The following FHOD3 variants were observed in gnomAD, a reference collection of about 807,000 sequenced individuals.
The protein encoded by FHOD3 is formin homology 2 domain containing 3.
In FHOD3, 90 loss-of-function variants were observed where a neutral mutation model predicts 173.0. The observed-to-expected ratio is 0.52, with a 90% CI of 0.44 to 0.62. The LOEUF (loss-of-function observed/expected upper bound fraction) is 0.62. Ranked by LOEUF, FHOD3 falls within the 20% of genes least tolerant of loss-of-function variation. The probability of loss-of-function intolerance (pLI) is 0.00; values close to 1 mark genes in which losing one functional copy is unlikely to be tolerated. For synonymous variants in FHOD3, 828 were observed against 823.0 expected (o/e 1.01, Z -0.10); for missense variants, 1,945 against 2,034.7 (o/e 0.96, Z 0.85).
At chr18:36,752,754 A>T (rs1335357918) in intron 24 of FHOD3, among the ~76,000 whole-genome samples, 1 of 152,206 alleles carries the variant, frequency 6.6e-6, no homozygotes, top group Non-Finnish European at 1.5e-5. Context: ...GCATCCAAAA[A>T]CAATGCTCTA....
At chr18:36,409,550 C>T (rs2049244930) in intron 3 of FHOD3, among the ~76,000 whole-genome samples, 2 of 152,192 alleles carry the variant, frequency 1.3e-5, no homozygotes, top group Non-Finnish European at 2.9e-5. Context: ...CTCTACTGGG[C>T]TCAGAGCCCA....
chr18:36,380,422 C>T (rs9958398), intron 3 of FHOD3, among the ~76,000 whole-genome samples: 4,651 of 151,698 alleles, frequency 0.031, 228 homozygotes, highest in African/African-American at 0.11. Context: ...GTCAATACTT[C>T]GGTCATCTCC....
intron 3 of FHOD3, among the ~76,000 whole-genome samples, chr18:36,450,438 AGTTT>A (rs35174305): frequency 0.31 from 41,196 of 130,934 alleles, 6,209 homozygotes; most frequent in Admixed American, 0.42. Context: ...ATTTACGACC[AGTTT>A]GTTTATTTAT....
At chr18:36,671,918 G>T (rs941882218) in intron 14 of FHOD3, among the ~76,000 whole-genome samples, 2 of 152,178 alleles carry the variant, frequency 1.3e-5, no homozygotes, top group Admixed American at 1.3e-4. Context: ...ACGATGTGCC[G>T]AAAGGACACA....
chr18:36,394,567 C>T (rs1407329029), intron 3 of FHOD3, among the ~76,000 whole-genome samples: 2 of 152,114 alleles, frequency 1.3e-5, no homozygotes, highest in Non-Finnish European at 2.9e-5. Flanking sequence ...CAATCAGTTG[C>T]ACTTAATGTA....
In FHOD3 at chr18:36,693,192, T is replaced by G. The variant is rs1482069795; in HGVS notation, c.2022-17T>G. 1 of 1,607,898 alleles carries G rather than the reference T, an allele frequency of 6.2e-7. No individual in the cohort carries two copies. Among genetic ancestry groups the G allele is most frequent in the Non-Finnish European group, 8.5e-7 (1 of 1,177,152 alleles). On this transcript the variant is annotated splice_polypyrimidine_tract_variant and intron_variant, in intron 16 of 28. Transcript: ENST00000590592. ...CCTCTTTCGTTTGACGGAAACCCTT[T>G]GGAATTTAACTTTCAGATACAAATA... is the stretch of plus-strand genomic sequence containing the variant.
At chr18:36,574,425 T>C (rs1419423322) in intron 5 of FHOD3, among the ~76,000 whole-genome samples, 1 of 152,186 alleles carries the variant, frequency 6.6e-6, no homozygotes, top group Non-Finnish European at 1.5e-5. Flanking sequence ...GCCTTTTTTC[T>C]ATTGGCATTT....
chr18:36,663,536 C>T (rs939697807), intron 14 of FHOD3, among the ~76,000 whole-genome samples: 2 of 152,178 alleles, frequency 1.3e-5, no homozygotes, highest in Non-Finnish European at 2.9e-5. Flanking sequence ...AGGTTGTGTA[C>T]AGTGACTGAC....
At chr18:36,370,572 G>A (rs1210963756) in intron 2 of FHOD3, among the ~76,000 whole-genome samples, 1 of 152,158 alleles carries the variant, frequency 6.6e-6, no homozygotes. Context: ...GTTGTTTGAA[G>A]ATACAAGAAG....
At chr18:36,764,316 T>C (rs529224571) in intron 27 of FHOD3, among the ~76,000 whole-genome samples, 1 of 152,300 alleles carries the variant, frequency 6.6e-6, no homozygotes, top group Non-Finnish European at 1.5e-5. Context: ...AGAAATCGTT[T>C]TGCAGTGTTG....
intron 1 of FHOD3, among the ~76,000 whole-genome samples, chr18:36,346,163 C>T (rs2045870598): frequency 6.6e-6 from 1 of 152,180 alleles, no homozygotes; most frequent in African/African-American, 2.4e-5. Context: ...CCCAGGAGTT[C>T]AAGACCAGCC....
At chr18:36,323,454 C>T (rs759045483) in intron 1 of FHOD3, among the ~76,000 whole-genome samples, 1 of 152,168 alleles carries the variant, frequency 6.6e-6, no homozygotes, top group Non-Finnish European at 1.5e-5. Context: ...GGGGTCATAG[C>T]CCCAGGCACA....
intron 3 of FHOD3, among the ~76,000 whole-genome samples, chr18:36,470,759 C>T (rs181301889): frequency 4.7e-4 from 71 of 152,290 alleles, no homozygotes; most frequent in African/African-American, 1.6e-3. Flanking sequence ...ATTCCCGCTC[C>T]GCGCTGGGAT....
chr18:36,324,177 C>T (rs1305272229), intron 1 of FHOD3, among the ~76,000 whole-genome samples: 1 of 152,184 alleles, frequency 6.6e-6, no homozygotes, highest in East Asian at 1.9e-4. Context: ...TGGATATCCA[C>T]ATGGAAATAA....
intron 27 of FHOD3, among the ~76,000 whole-genome samples, chr18:36,765,155 G>C (rs1473552367): frequency 6.6e-6 from 1 of 152,218 alleles, no homozygotes; most frequent in Non-Finnish European, 1.5e-5. Context: ...GTCAGCGGGT[G>C]ATGCTGTGCT....
At chr18:36,376,825 A>G (rs1426871638) in intron 3 of FHOD3, among the ~76,000 whole-genome samples, 1 of 152,208 alleles carries the variant, frequency 6.6e-6, no homozygotes, top group African/African-American at 2.4e-5. Context: ...TAGCAAAGAG[A>G]TGAATTATAA....
At chr18:36,627,346 G>T (rs907918069) in intron 10 of FHOD3, among the ~76,000 whole-genome samples, 1 of 152,146 alleles carries the variant, frequency 6.6e-6, no homozygotes, top group Non-Finnish European at 1.5e-5. Context: ...CATCATGTTT[G>T]TTCCTTGTCT....
In FHOD3 at chr18:36,297,766, A is replaced by C. The variant is rs1482541478; in HGVS notation, c.-70A>C. 6 of 1,349,202 alleles carry C rather than the reference A, an allele frequency of 4.4e-6. No individual in the cohort carries two copies. The highest frequency in any genetic ancestry group is 5.8e-6 in the Non-Finnish European group (6 of 1,029,998). 83.6% of individuals were successfully genotyped at this position (1,349,202 alleles called of 1,614,324 possible). A position where few individuals can be genotyped will look rare whatever the true frequency, so the allele number is the denominator to read the frequency against. On this transcript the variant is annotated 5_prime_UTR_variant, in exon 1 of 29. Transcript: ENST00000590592. ...TGCGGCTGCGGCCTCCCCTGCGCGCAGCTACCCGGGCGTCCCGGCCCGCGG... is the reference window on the plus strand; with the variant it reads ...TGCGGCTGCGGCCTCCCCTGCGCGCCGCTACCCGGGCGTCCCGGCCCGCGG...
intron 1 of FHOD3, among the ~76,000 whole-genome samples, chr18:36,351,491 A>G (rs572536686): frequency 5.3e-5 from 8 of 152,154 alleles, no homozygotes; most frequent in African/African-American, 1.7e-4. Flanking sequence ...TCTGTGTTTG[A>G]TTTGTGTGTT....
Sources: gnomAD v4.1 joint callset for allele counts (sites outside exome capture counted in the v4.1 genomes callset) on GRCh38, gnomAD v4.1.1 for gene constraint, MANE v1.5 for transcripts, NCBI Gene and HGNC (gene_info 2026-07-23, HGNC 2026-07-21) for gene names.